Variants in WDR89 observed in about 807,000 individuals in gnomAD.
WDR89 encodes the protein WD repeat-containing protein 89.
In WDR89, 17 loss-of-function variants were observed where a neutral mutation model predicts 29.1. That is an observed-to-expected ratio of 0.58 (90% CI 0.40 to 0.88). The LOEUF (loss-of-function observed/expected upper bound fraction) is 0.88. Among genes scored for constraint, WDR89 ranks in the 40% least tolerant of loss-of-function variants. The probability of loss-of-function intolerance (pLI) is 0.00; values close to 1 mark genes in which losing one functional copy is unlikely to be tolerated. For synonymous variants in WDR89, 138 were observed against 157.8 expected, an observed-to-expected ratio of 0.87 and a Z score of 0.94; for missense variants, 396 against 456.3, an observed-to-expected ratio of 0.87 and a Z score of 1.20.
At chr14:63,608,048 A>C (rs1460443816) in intron 2 of WDR89, among the ~76,000 whole-genome samples, 1 of 151,822 alleles carries the variant, frequency 6.6e-6, no homozygotes, top group African/African-American at 2.4e-5. Flanking sequence ...TCTACTAAGA[A>C]TACAAAAATA....
intron 1 of WDR89, among the ~76,000 whole-genome samples, chr14:63,639,773 T>G (rs998495684): frequency 2.8e-4 from 43 of 152,228 alleles, no homozygotes; most frequent in African/African-American, 1.0e-3. Flanking sequence ...TTGCAGCTCA[T>G]AGTGTCAGTT....
intron 2 of WDR89, among the ~76,000 whole-genome samples, chr14:63,606,481 A>AT (rs1190934135): frequency 2.0e-5 from 3 of 152,154 alleles, no homozygotes; most frequent in Non-Finnish European, 4.4e-5. Context: ...TAATTTTATT[A>AT]TACCTTTTTA....
At chr14:63,628,122 A>C (rs1364109697) in intron 1 of WDR89, among the ~76,000 whole-genome samples, 2 of 152,116 alleles carry the variant, frequency 1.3e-5, no homozygotes, top group Non-Finnish European at 2.9e-5. Context: ...CTGCAATCTC[A>C]GCTACTTGGG....
At chr14:63,602,921 TA>T (rs1394367181) in intron 2 of WDR89, among the ~76,000 whole-genome samples, 14 of 152,146 alleles carry the variant, frequency 9.2e-5, no homozygotes, top group Non-Finnish European at 1.5e-4. Flanking sequence ...AAATTTATTT[TA>T]TTTTTTTGTA....
intron 1 of WDR89, 122 bp from the exon 2 acceptor site, chr14:63,625,155 A>G (rs1039851882): frequency 6.6e-6 from 1 of 152,322 alleles, no homozygotes. Context: ...ATACATATAT[A>G]ATGGAATCTG....
chr14:63,628,056 C>G (rs1008648995), intron 1 of WDR89, among the ~76,000 whole-genome samples: 1 of 152,080 alleles, frequency 6.6e-6, no homozygotes, highest in South Asian at 2.1e-4. Context: ...GGCAACATAG[C>G]GAGATTCCAT....
intron 1 of WDR89, among the ~76,000 whole-genome samples, chr14:63,633,818 A>G (rs1467798213): frequency 6.6e-6 from 1 of 152,230 alleles, no homozygotes; most frequent in Non-Finnish European, 1.5e-5. Context: ...AAAAAAACGG[A>G]TATTAAGAGG....
intron 1 of WDR89, among the ~76,000 whole-genome samples, chr14:63,625,476 A>T (rs1430752779): frequency 2.0e-5 from 3 of 150,948 alleles, no homozygotes; most frequent in Non-Finnish European, 2.9e-5. Context: ...AAAAAGGTAA[A>T]TTTTATGGAA....
At position 63,599,531 on chromosome 14, in the gene WDR89, C is replaced by CATT. The variant is rs1437954860; in HGVS notation, c.411_412insAAT (p.Val137_Asp138insAsn). 6.2e-7 allele frequency: 1 copy of CATT among 1,614,078 alleles called. No homozygotes were observed. The highest frequency in any genetic ancestry group is 1.3e-5 in the African/African-American group (1 of 75,004). ...CAAAACACCAACAATGCATCATCAT[C>CATT]AACTTTTTCTGTACCAGCACAAATA... On this transcript the variant is annotated inframe_insertion, in exon 3 of 3. Transcript: ENST00000620954.
intron 2 of WDR89, among the ~76,000 whole-genome samples, chr14:63,605,172 A>C (rs373531840): frequency 0.09 from 13,289 of 147,578 alleles, 947 homozygotes; most frequent in African/African-American, 0.21. Flanking sequence ...CTCTCTATAT[A>C]TATATATATA....
chr14:63,615,188 A>G (rs928267418), intron 2 of WDR89, among the ~76,000 whole-genome samples: 2 of 152,222 alleles, frequency 1.3e-5, no homozygotes, highest in Non-Finnish European at 2.9e-5. Context: ...TTTGCATGTA[A>G]ATCTTGCATC....
At chr14:63,615,566 G>C (rs10133598) in intron 2 of WDR89, among the ~76,000 whole-genome samples, 8,094 of 152,220 alleles carry the variant, frequency 0.053, 303 homozygotes, top group African/African-American at 0.11. Flanking sequence ...ATACATTATA[G>C]TTAGAAACTG....
chr14:63,639,326 C>A (rs61984051), intron 1 of WDR89, among the ~76,000 whole-genome samples: 7,216 of 147,808 alleles, frequency 0.049, 273 homozygotes, highest in African/African-American at 0.1. Flanking sequence ...TTGAGACCCA[C>A]CTGGGCAACA....
chr14:63,609,456 T>C (rs1423369446), intron 2 of WDR89, among the ~76,000 whole-genome samples: 8 of 152,194 alleles, frequency 5.3e-5, no homozygotes, highest in Non-Finnish European at 2.9e-5. Flanking sequence ...GGTGCTTTCT[T>C]AGATTTTATT....
intron 1 of WDR89, among the ~76,000 whole-genome samples, chr14:63,637,815 G>C (rs1343081600): frequency 6.6e-6 from 1 of 151,954 alleles, no homozygotes; most frequent in East Asian, 1.9e-4. Flanking sequence ...GGGAGGGGGG[G>C]CAAGGGATTA....
rs113469632 is a variant in WDR89, at chr14:63,615,924, T to TAAA, written c.-32+9001_-32+9003dup. Among the ~76,000 whole-genome samples the TAAA allele has an allele frequency of 4.3e-3, 568 of 132,690 alleles. 10 individuals carry two copies. The highest frequency in any genetic ancestry group is 0.015 in the African/African-American group (520 of 35,564). The allele number at this position is 132,690 out of a possible 152,430, so 87.0% of individuals were successfully genotyped here. On this transcript the variant is annotated intron_variant, in intron 2 of 2. Coordinates refer to ENST00000620954, the MANE Select transcript of WDR89 (RefSeq NM_080666.4). ...TGGCGACAGAGCAAGACCCTGTCTTTAAAAAAAAAAAAAAAAAGAATACAA... is the reference window on the plus strand; with the variant it reads ...TGGCGACAGAGCAAGACCCTGTCTTTAAAAAAAAAAAAAAAAAAAAGAATACAA...
intron 1 of WDR89, among the ~76,000 whole-genome samples, chr14:63,638,033 C>T (rs916304044): frequency 6.6e-6 from 1 of 152,066 alleles, no homozygotes; most frequent in Non-Finnish European, 1.5e-5. Context: ...GCAACCTCCG[C>T]CTCCCAGGTT....
At chr14:63,616,336 T>C (rs893925636) in intron 2 of WDR89, among the ~76,000 whole-genome samples, 8 of 152,030 alleles carry the variant, frequency 5.3e-5, no homozygotes, top group African/African-American at 1.9e-4. Flanking sequence ...ACATAACAAA[T>C]TCAGCAAAGA....
chr14:63,634,870 CA>C (rs56714759), intron 1 of WDR89, among the ~76,000 whole-genome samples: 10,309 of 95,016 alleles, frequency 0.11, 690 homozygotes, highest in African/African-American at 0.23. Flanking sequence ...AACTACATCT[CA>C]AAAAAAAAAA....
Sources: allele counts gnomAD v4.1 joint callset (sites outside exome capture counted in the v4.1 genomes callset), GRCh38; gene constraint gnomAD v4.1.1; transcripts MANE v1.5; gene names NCBI Gene and HGNC (gene_info 2026-07-23, HGNC 2026-07-21).